The following GAS7 variants were observed in gnomAD, a reference collection of about 807,000 sequenced individuals.
The protein encoded by GAS7 is growth arrest-specific protein 7.
A neutral mutation model predicts 71.1 loss-of-function variants in GAS7; 28 were observed. That is an observed-to-expected ratio of 0.39 (90% confidence interval 0.29 to 0.54). The LOEUF is 0.54. GAS7 is among the 20% of genes least tolerant of loss of function. GAS7 has a pLI of 0.62. For synonymous variants in GAS7, 258 were observed against 245.8 expected (o/e 1.05, Z -0.46); for missense variants, 436 against 627.8 (o/e 0.69, Z 3.27).
At chr17:10,120,308 G>A (rs1597803590) in intron 1 of GAS7, among the ~76,000 whole-genome samples, 1 of 152,330 alleles carries the variant, frequency 6.6e-6, no homozygotes. Context: ...CAAAAGTTGG[G>A]AGGATTTGAG....
At chr17:10,128,434 G>A (rs1049775443) in intron 1 of GAS7, among the ~76,000 whole-genome samples, 19 of 150,202 alleles carry the variant, frequency 1.3e-4, no homozygotes, top group Non-Finnish European at 3.0e-5. Context: ...TTCCATACTT[G>A]ATACAATCAG....
At chr17:10,036,312 C>T (rs1194094477) in intron 1 of GAS7, 4 of 853,850 alleles carry the variant, frequency 4.7e-6, no homozygotes, top group East Asian at 4.9e-5. Flanking sequence ...CACAGCTCAG[C>T]AGTTAGACCC....
chr17:9,989,501 C>T (rs1396310433), intron 2 of GAS7, among the ~76,000 whole-genome samples: 1 of 152,004 alleles, frequency 6.6e-6, no homozygotes, highest in Non-Finnish European at 1.5e-5. Flanking sequence ...TAGACACATG[C>T]ACATGTGTAT....
At chr17:10,142,369 T>C (rs1453504081) in intron 1 of GAS7, among the ~76,000 whole-genome samples, 1 of 152,126 alleles carries the variant, frequency 6.6e-6, no homozygotes, top group Non-Finnish European at 1.5e-5. Flanking sequence ...AAAGGTTTTG[T>C]TTGTTTGTTT....
chr17:9,956,028 A>G (rs1453113847), intron 5 of GAS7, among the ~76,000 whole-genome samples: 2 of 152,198 alleles, frequency 1.3e-5, no homozygotes, highest in African/African-American at 4.8e-5. Flanking sequence ...CAGCAGCCAG[A>G]AAACCACCTG....
At chr17:9,993,762 A>G (rs2070933245) in intron 2 of GAS7, among the ~76,000 whole-genome samples, 1 of 150,894 alleles carries the variant, frequency 6.6e-6, no homozygotes, top group Admixed American at 6.6e-5. Context: ...AGACGACATG[A>G]TTGTATATCT....
intron 1 of GAS7, among the ~76,000 whole-genome samples, chr17:10,174,032 C>A (rs1295917887): frequency 2.0e-5 from 3 of 152,204 alleles, no homozygotes; most frequent in Non-Finnish European, 4.4e-5. Context: ...ACTGTTCATT[C>A]CCACATATGA....
chr17:10,005,129 G>A (rs1263915119), intron 2 of GAS7, among the ~76,000 whole-genome samples: 1 of 150,272 alleles, frequency 6.7e-6, no homozygotes, highest in African/African-American at 2.5e-5. Context: ...ACGCATACCA[G>A]CATGTGTGCG....
At chr17:9,927,743 G>A (rs374494025) in intron 9 of GAS7, among the ~76,000 whole-genome samples, 15 of 152,138 alleles carry the variant, frequency 9.9e-5, no homozygotes, top group Admixed American at 3.9e-4. Context: ...CCTATTTATC[G>A]AACATCTACT....
At chr17:9,967,575 T>C (rs1417449392) in intron 4 of GAS7, among the ~76,000 whole-genome samples, 2 of 152,060 alleles carry the variant, frequency 1.3e-5, no homozygotes, top group Non-Finnish European at 2.9e-5. Flanking sequence ...GATTTCCTTC[T>C]GCCAAATAAG....
At chr17:10,040,324 T>C (rs1430765908) in intron 1 of GAS7, among the ~76,000 whole-genome samples, 1 of 152,010 alleles carries the variant, frequency 6.6e-6, no homozygotes, top group South Asian at 2.1e-4. Flanking sequence ...ATCCATTCAT[T>C]AGAGTTTAAG....
intron 1 of GAS7, among the ~76,000 whole-genome samples, chr17:10,136,088 G>A (rs1409440315): frequency 1.3e-5 from 2 of 152,188 alleles, no homozygotes; most frequent in Non-Finnish European, 2.9e-5. Flanking sequence ...CCTCCCAAAT[G>A]TTGTCTCCGT....
chr17:9,997,722 G>A (rs547931599), intron 2 of GAS7, among the ~76,000 whole-genome samples: 189 of 152,388 alleles, frequency 1.2e-3, no homozygotes, highest in Non-Finnish European at 2.3e-3. Flanking sequence ...ACATCTGACA[G>A]ATAGGCTATA....
At position 9,996,593 on chromosome 17, in the gene GAS7, A is replaced by ATG. The variant is rs10598229; in HGVS notation, c.305-14711_305-14710dup. ...AAAAAAAAAAAAAGACTATATATAT[A>ATG]TGTGTGTGTGTGTGTGTATATATAC... On this transcript the variant is annotated intron_variant, in intron 2 of 13. Coordinates refer to ENST00000432992, the MANE Select transcript of GAS7 (RefSeq NM_201433.2). Among the ~76,000 whole-genome samples, 344 of 146,870 alleles carry ATG rather than the reference A, an allele frequency of 2.3e-3. 1 individual carries two copies. Among genetic ancestry groups the ATG allele is most frequent in the African/African-American group, 5.2e-3 (205 of 39,586 alleles).
intron 2 of GAS7, among the ~76,000 whole-genome samples, chr17:9,982,738 T>C (rs2152131205): frequency 6.7e-6 from 1 of 148,192 alleles, no homozygotes; most frequent in African/African-American, 2.5e-5. Context: ...ATTGTGCCAC[T>C]GCACTCCAGC....
At chr17:10,068,837 A>G (rs1403479414) in intron 1 of GAS7, among the ~76,000 whole-genome samples, 1 of 152,134 alleles carries the variant, frequency 6.6e-6, no homozygotes, top group African/African-American at 2.4e-5. Context: ...AGAACCTGGG[A>G]CAAGGTCCTG....
At chr17:10,105,866 A>C (rs1205278970) in intron 1 of GAS7, among the ~76,000 whole-genome samples, 5 of 152,044 alleles carry the variant, frequency 3.3e-5, no homozygotes, top group Non-Finnish European at 7.4e-5. Context: ...ACTGCATTCC[A>C]GCTCCTCCTC....
chr17:9,998,604 T>A (rs2071137702), intron 2 of GAS7, among the ~76,000 whole-genome samples: 1 of 151,126 alleles, frequency 6.6e-6, no homozygotes, highest in African/African-American at 2.5e-5. Flanking sequence ...CCTGTCTCTA[T>A]TTTAAAAAGT....
intron 1 of GAS7, among the ~76,000 whole-genome samples, chr17:10,158,609 C>T (rs754570073): frequency 6.6e-6 from 1 of 151,822 alleles, no homozygotes; most frequent in Admixed American, 6.6e-5. Context: ...CAAAAAAATA[C>T]GATTGATGGA....
Sources: gnomAD v4.1 joint callset for allele counts (sites outside exome capture counted in the v4.1 genomes callset) on GRCh38, gnomAD v4.1.1 for gene constraint, MANE v1.5 for transcripts, NCBI Gene and HGNC (gene_info 2026-07-23, HGNC 2026-07-21) for gene names.